The following DNMT3A variants were observed in gnomAD, a reference collection of about 807,000 sequenced individuals.
DNMT3A encodes DNA methyltransferase 3 alpha, also known as DNA (cytosine-5)-methyltransferase 3A.
Under a neutral mutation model 117.6 loss-of-function variants are expected in DNMT3A, and 267 were observed. That is an observed-to-expected ratio of 2.27 (90% confidence interval 2.05 to 2.51). The LOEUF (loss-of-function observed/expected upper bound fraction) is 2.51. DNMT3A is among the 30% of genes most tolerant of loss of function. DNMT3A has a pLI of 0.00. For missense variants in DNMT3A, 1,029 were observed against 1,260.2 expected (o/e 0.82, Z 2.78); for synonymous variants, 432 against 474.8 (o/e 0.91, Z 1.17).
intron 16 of DNMT3A, among the ~76,000 whole-genome samples, chr2:25,242,925 A>T (rs990742097): frequency 1.3e-5 from 2 of 149,194 alleles, no homozygotes; most frequent in African/African-American, 4.9e-5. Context: ...ATAATAATAA[A>T]AAAAATAGTA....
chr2:25,278,805 G>A (rs1490311434), intron 4 of DNMT3A, among the ~76,000 whole-genome samples: 5 of 151,382 alleles, frequency 3.3e-5, no homozygotes, highest in Admixed American at 1.3e-4. Flanking sequence ...CAGCCTGAGC[G>A]ACAGAGTGAA....
Position 25,286,938 on chromosome 2 carries a change from G to C in DNMT3A, c.178-4227C>G, listed in dbSNP as rs144357711. 2.0e-5 allele frequency among the ~76,000 whole-genome samples: 3 copies of C among 152,098 alleles called. No individual in the cohort carries two copies. The highest frequency in any genetic ancestry group is 6.5e-5 in the Admixed American group (1 of 15,282). On this transcript the variant is annotated intron_variant, in intron 3 of 22. Transcript: ENST00000321117. The surrounding 1 kb of genome is among the most constrained non-coding windows in gnomAD (Gnocchi z 4.3). ...CCTCTGGAGGGCAGAGACTTTGCTC[G>C]ATCTGGAGGGCAGAGACTTTGCTCG...
At chr2:25,285,055 C>T (rs781041163) in intron 3 of DNMT3A, among the ~76,000 whole-genome samples, 1 of 152,192 alleles carries the variant, frequency 6.6e-6, no homozygotes, top group Non-Finnish European at 1.5e-5. Flanking sequence ...GCAGTGAACA[C>T]CCTTGCACTT....
chr2:25,286,072 A>G lies in DNMT3A; in HGVS notation c.178-3361T>C, dbSNP rs994916333. On this transcript the variant is annotated intron_variant, in intron 3 of 22. Transcript: ENST00000321117. The surrounding 1 kb of genome is among the most constrained non-coding windows in gnomAD (Gnocchi z 4.3). ...CCCTGCAGACACCTCAGATTGGGGC[A>G]GGCTCTGAGCCCCGCAAAGCTGCTG... is the stretch of plus-strand genomic sequence containing the variant. Among the ~76,000 whole-genome samples the G allele has an allele frequency of 2.0e-5, 3 of 152,184 alleles. No homozygotes were observed. The highest frequency in any genetic ancestry group is 7.2e-5 in the African/African-American group (3 of 41,452).
intron 6 of DNMT3A, among the ~76,000 whole-genome samples, chr2:25,251,249 T>TG (rs1414040966): frequency 1.3e-5 from 2 of 151,080 alleles, no homozygotes; most frequent in East Asian, 3.9e-4. Context: ...TAGGCCTGTC[T>TG]GGGGCGTAGG....
intron 6 of DNMT3A, among the ~76,000 whole-genome samples, chr2:25,269,984 T>G (rs549528061): frequency 2.0e-5 from 3 of 151,904 alleles, no homozygotes; most frequent in South Asian, 4.2e-4. Context: ...AGCTGGGGAG[T>G]GCGTTCCCAG....
At chr2:25,278,411 C>T (rs2031631401) in intron 4 of DNMT3A, among the ~76,000 whole-genome samples, 1 of 152,254 alleles carries the variant, frequency 6.6e-6, no homozygotes, top group Non-Finnish European at 1.5e-5. Context: ...GGGCCCTATG[C>T]TCAGAGTAGA....
At chr2:25,270,183 TCGAGA>T (rs1368776474) in intron 6 of DNMT3A, among the ~76,000 whole-genome samples, 1 of 152,180 alleles carries the variant, frequency 6.6e-6, no homozygotes, top group East Asian at 1.9e-4. Flanking sequence ...GTCTTGTGCC[TCGAGA>T]GGTATGTGCC....
In DNMT3A at chr2:25,243,372, A is replaced by AAGTT. The variant is rs539178295; in HGVS notation, c.1936+522_1936+525dup. On this transcript the variant is annotated intron_variant, in intron 16 of 22. Transcript: ENST00000321117. ...AATCATAATATAATAAATGCAAGGC[A>AAGTT]AGTTACAAAACCGTGTGCATTCACT... is the stretch of plus-strand genomic sequence containing the variant. Among the ~76,000 whole-genome samples the AAGTT allele has an allele frequency of 4.7e-4, 72 of 152,324 alleles. 3 individuals are homozygous for AAGTT. In the South Asian group the frequency reaches 0.015, roughly 31 times the overall value.
chr2:25,299,518 C>A (rs1309883164), intron 3 of DNMT3A, among the ~76,000 whole-genome samples: 1 of 152,206 alleles, frequency 6.6e-6, no homozygotes, highest in East Asian at 1.9e-4. Flanking sequence ...TTCTGGCAGG[C>A]CCTCTTGCTT....
At position 25,257,285 on chromosome 2, in the gene DNMT3A, G is replaced by A. The variant is rs1296530909; in HGVS notation, c.640-9033C>T. On this transcript the variant is annotated intron_variant, in intron 6 of 22. Transcript: ENST00000321117. This position sits in a 1 kb window ranked among gnomAD's most constrained non-coding sequence, Gnocchi z 4.8. ...GGAGAGCAGAGGGGTCCAAAGGCTCGCACCTAGCGGTGTTCTGCCTTCTGG... is the reference window on the plus strand; with the variant it reads ...GGAGAGCAGAGGGGTCCAAAGGCTCACACCTAGCGGTGTTCTGCCTTCTGG... Among the ~76,000 whole-genome samples the A allele has an allele frequency of 4.6e-5, 7 of 152,198 alleles. No homozygotes were observed. The East Asian group carries it at 5.8e-4, about 13-fold the overall frequency.
In DNMT3A at chr2:25,247,977, G is replaced by A. The variant is rs1237139685; in HGVS notation, c.855+60C>T. On this transcript the variant is annotated intron_variant, in intron 7 of 22. Coordinates refer to ENST00000321117, the MANE Select transcript of DNMT3A (RefSeq NM_022552.5). The surrounding 1 kb of genome is among the most constrained non-coding windows in gnomAD (Gnocchi z 5.6). ...TGGAGAGAGGAGAGCAGGACGGGAG[G>A]AGCTGGCAGTGGAAGGCCCCCGGAA... is the stretch of plus-strand genomic sequence containing the variant. 6.2e-7 allele frequency: 1 copy of A among 1,607,130 alleles called. No individual in the cohort carries two copies. Among genetic ancestry groups the A allele is most frequent in the Non-Finnish European group, 8.5e-7 (1 of 1,177,118 alleles).
chr2:25,240,349 CCA>C lies in DNMT3A; in HGVS notation c.2273_2274del (p.Val758GlyfsTer6). On this transcript the variant is annotated frameshift_variant, in exon 19 of 23. Coordinates refer to ENST00000321117, the MANE Select transcript of DNMT3A (RefSeq NM_022552.5). LOFTEE classifies it high-confidence loss of function. ...DRPFFWLFEN[V>X]VAMGVSDKRD... Reference sequence around the variant, plus strand: ...CTCTTGTCACTAACGCCCATGGCCACCACATTCTCAAAGAGCCAGAAGAAGGG... The same window carrying C: ...CTCTTGTCACTAACGCCCATGGCCACCATTCTCAAAGAGCCAGAAGAAGGG... 6.2e-7 allele frequency: 1 copy of C among 1,614,222 alleles called. No homozygotes were observed. Among genetic ancestry groups the C allele is most frequent in the Non-Finnish European group, 8.5e-7 (1 of 1,180,038 alleles).
intron 3 of DNMT3A, among the ~76,000 whole-genome samples, chr2:25,287,851 T>G (rs75669402): frequency 6.6e-6 from 1 of 151,950 alleles, no homozygotes; most frequent in South Asian, 2.1e-4. Context: ...TTTTTTTTTT[T>G]GAGATGGAGT....
intron 3 of DNMT3A, among the ~76,000 whole-genome samples, chr2:25,287,620 T>C (rs1265016375): frequency 6.6e-6 from 1 of 152,074 alleles, no homozygotes; most frequent in African/African-American, 2.4e-5. Flanking sequence ...CCAGGACATT[T>C]TGGCATGTGT....
In DNMT3A at chr2:25,305,399, T is replaced by C. The variant is rs898148327; in HGVS notation, c.73-5156A>G. 1.3e-5 allele frequency among the ~76,000 whole-genome samples: 2 copies of C among 152,266 alleles called. No homozygotes were observed. Among genetic ancestry groups the C allele is most frequent in the Admixed American group, 6.5e-5 (1 of 15,286 alleles). ...ACTGGATGGATTATTTTAAGCCATA[T>C]ACAACGTCTCATTCTGATGCGCTGG... On this transcript the variant is annotated intron_variant, in intron 2 of 22. Coordinates refer to ENST00000321117, the MANE Select transcript of DNMT3A (RefSeq NM_022552.5). This position sits in a 1 kb window ranked among gnomAD's most constrained non-coding sequence, Gnocchi z 4.1.
Position 25,231,688 on chromosome 2 carries a change from TG to T in DNMT3A, c.*2590del, listed in dbSNP as rs1418713329. 1 of 151,882 alleles carries T rather than the reference TG, an allele frequency of 6.6e-6. No individual in the cohort carries two copies. Among genetic ancestry groups the T allele is most frequent in the Non-Finnish European group, 1.5e-5 (1 of 68,096 alleles). 9.4% of individuals were successfully genotyped at this position (151,882 alleles called of 1,614,324 possible). A position where few individuals can be genotyped will look rare whatever the true frequency, so the allele number is the denominator to read the frequency against. ...GGGAGTTGAGGGCTGACTTGACTGG[TG>T]CCTAGAGTTGCAGGTCAGTATCACA... is the stretch of plus-strand genomic sequence containing the variant. On this transcript the variant is annotated 3_prime_UTR_variant, in exon 23 of 23. Coordinates refer to ENST00000321117, the MANE Select transcript of DNMT3A (RefSeq NM_022552.5).
At chr2:25,321,800 C>T (rs914508261) in intron 1 of DNMT3A, among the ~76,000 whole-genome samples, 9 of 152,162 alleles carry the variant, frequency 5.9e-5, no homozygotes, top group Admixed American at 2.0e-4. Flanking sequence ...GTGGGAGGAT[C>T]GCTCGAGCCC....
intron 6 of DNMT3A, among the ~76,000 whole-genome samples, 180 bp from the exon 7 acceptor site, chr2:25,248,432 T>G (rs1443645432): frequency 2.0e-5 from 3 of 152,192 alleles, no homozygotes; most frequent in African/African-American, 7.2e-5. Flanking sequence ...AGAGGTGAAC[T>G]CAAGTCACAC....
Sources: gnomAD v4.1 joint callset for allele counts (sites outside exome capture counted in the v4.1 genomes callset) on GRCh38, gnomAD v4.1.1 for gene constraint, Gnocchi (gnomAD v3.1) non-coding constraint, MANE v1.5 for transcripts, NCBI Gene and HGNC (gene_info 2026-07-23, HGNC 2026-07-21) for gene names.